Variants in TEAD4 observed in about 807,000 individuals in gnomAD.
TEAD4 encodes transcriptional enhancer factor TEF-3.
In TEAD4, 36 loss-of-function variants were observed where a neutral mutation model predicts 52.4. The ratio of observed to expected loss-of-function variants is 0.69; its 90% CI spans 0.53 to 0.91. The LOEUF is 0.91. Among genes scored for constraint, TEAD4 ranks in the 40% least tolerant of loss-of-function variants. TEAD4 has a pLI of 0.00. For missense variants in TEAD4, 508 were observed against 583.9 expected (o/e 0.87, Z 1.34); for synonymous variants, 220 against 231.0 (o/e 0.95, Z 0.43).
At chr12:3,015,131 C>T (rs1297237857) in intron 5 of TEAD4, among the ~76,000 whole-genome samples, 1 of 152,158 alleles carries the variant, frequency 6.6e-6, no homozygotes, top group Non-Finnish European at 1.5e-5. Flanking sequence ...CAAGGGGGGC[C>T]AGGGACAAAC....
intron 10 of TEAD4, among the ~76,000 whole-genome samples, chr12:3,022,328 C>T (rs1043096542): frequency 1.3e-5 from 2 of 152,162 alleles, no homozygotes; most frequent in South Asian, 2.1e-4. Flanking sequence ...CAAACGGGAC[C>T]CTGCGGGGAT....
intron 5 of TEAD4, among the ~76,000 whole-genome samples, chr12:3,013,711 G>T (rs2098262231): frequency 6.6e-6 from 1 of 152,112 alleles, no homozygotes; most frequent in Admixed American, 6.5e-5. Context: ...ACCAGTCTGG[G>T]CAACAGAGTG....
intron 5 of TEAD4, among the ~76,000 whole-genome samples, chr12:3,014,800 C>T (rs4759434): frequency 0.57 from 85,971 of 151,902 alleles, 26,004 homozygotes; most frequent in Non-Finnish European, 0.68. Flanking sequence ...CCTGCCCAGG[C>T]CGCGGTTTCC....
chr12:3,000,697 A>T (rs2098250996), intron 3 of TEAD4, among the ~76,000 whole-genome samples: 1 of 152,166 alleles, frequency 6.6e-6, no homozygotes, highest in African/African-American at 2.4e-5. Flanking sequence ...TGTGAGCATC[A>T]GTCTAGAGGC....
intron 11 of TEAD4, 52 bp downstream of exon 11, chr12:3,038,160 T>C: frequency 1.3e-6 from 2 of 1,572,690 alleles, no homozygotes; most frequent in Non-Finnish European, 1.7e-6. Flanking sequence ...CTGTGTTTGC[T>C]GGGCATGGCT....
chr12:2,991,010 C>T (rs561661895), intron 2 of TEAD4, among the ~76,000 whole-genome samples: 137 of 152,156 alleles, frequency 9.0e-4, no homozygotes, highest in Non-Finnish European at 1.5e-3. Context: ...CCTAGTGAGA[C>T]CTCTGCAGTA....
intron 3 of TEAD4, among the ~76,000 whole-genome samples, chr12:3,010,459 G>A (rs574636816): frequency 2.5e-4 from 38 of 152,324 alleles, no homozygotes; most frequent in South Asian, 1.2e-3. Context: ...ATGAGCGGAC[G>A]GGCTCAGGCC....
intron 10 of TEAD4, among the ~76,000 whole-genome samples, chr12:3,036,143 C>G (rs2098279309): frequency 6.6e-6 from 1 of 152,070 alleles, no homozygotes; most frequent in East Asian, 1.9e-4. Flanking sequence ...CTTTTTTTCC[C>G]TAAAGGCCTC....
At chr12:3,019,444 G>C (rs2098267064) in intron 8 of TEAD4, among the ~76,000 whole-genome samples, 1 of 152,216 alleles carries the variant, frequency 6.6e-6, no homozygotes, top group East Asian at 1.9e-4. Context: ...GCAGTTCCAA[G>C]GGCAGTGCCC....
chr12:2,962,348 T>TATATATA (rs1237615183), intron 2 of TEAD4, among the ~76,000 whole-genome samples: 7 of 32,324 alleles, frequency 2.2e-4, no homozygotes, highest in Non-Finnish European at 7.1e-4. Flanking sequence ...ATATATATAT[T>TATATATA]TTTTGAGATG....
intron 3 of TEAD4, among the ~76,000 whole-genome samples, chr12:3,009,810 A>C (rs968740535): frequency 6.6e-6 from 1 of 152,204 alleles, no homozygotes; most frequent in Non-Finnish European, 1.5e-5. Flanking sequence ...CAGTGGTCCC[A>C]GGCCAGCACA....
chr12:3,001,971 G>A (rs901474698), intron 3 of TEAD4, among the ~76,000 whole-genome samples: 16 of 151,464 alleles, frequency 1.1e-4, no homozygotes, highest in Non-Finnish European at 1.9e-4. Flanking sequence ...GTGTGCACCT[G>A]TAATTAGCTA....
At chr12:3,031,095 TA>T (rs1280581109) in intron 10 of TEAD4, among the ~76,000 whole-genome samples, 1 of 152,166 alleles carries the variant, frequency 6.6e-6, no homozygotes, top group African/African-American at 2.4e-5. Context: ...AGGAGGGGCT[TA>T]AATCATCTCC....
chr12:3,023,068 C>T (rs559177822), intron 10 of TEAD4, among the ~76,000 whole-genome samples: 5 of 152,222 alleles, frequency 3.3e-5, no homozygotes, highest in African/African-American at 4.8e-5. Context: ...TCATCCACAG[C>T]TGAACATGGG....
intron 12 of TEAD4, 34 bp downstream of exon 12, chr12:3,040,293 C>G (rs1293895285): frequency 6.2e-7 from 1 of 1,613,876 alleles, no homozygotes; most frequent in Non-Finnish European, 8.5e-7. Flanking sequence ...TGGCTGGAGT[C>G]TGTGTGTGGG....
At chr12:3,021,381 G>A (rs548993150) in intron 9 of TEAD4, among the ~76,000 whole-genome samples, 1 of 147,978 alleles carries the variant, frequency 6.8e-6, no homozygotes, top group Admixed American at 6.9e-5. Context: ...CATGATCTCA[G>A]CTTACTGCAA....
rs2098213861 is a variant in TEAD4 at position 2,959,889 on chromosome 12, C to G, written c.-122-59C>G. The G allele has an allele frequency of 1.3e-5, 2 of 151,862 alleles. No individual in the cohort carries two copies. The highest frequency in any genetic ancestry group is 1.3e-4 in the Admixed American group (2 of 15,248). The allele number at this position is 151,862 out of a possible 1,614,324, so 9.4% of individuals were successfully genotyped here. On this transcript the variant is annotated intron_variant, in intron 1 of 12. Transcript: ENST00000359864. This position sits in a 1 kb window ranked among gnomAD's most constrained non-coding sequence, Gnocchi z 5.1. ...CCCCGCGGCCCCGCCTTCACTGCGC[C>G]GCCCGTCGGCCCCGGCCGGAGCCCG...
intron 8 of TEAD4, 89 bp downstream of exon 8, chr12:3,019,259 G>T (rs756888518): frequency 6.1e-5 from 89 of 1,447,732 alleles, no homozygotes; most frequent in Non-Finnish European, 8.2e-5. Context: ...ACGCCTGCGT[G>T]TCCCTGTTAG....
At chr12:3,013,140 T>C (rs11831487) in intron 5 of TEAD4, among the ~76,000 whole-genome samples, 25,209 of 151,890 alleles carry the variant, frequency 0.17, 4,711 homozygotes, top group African/African-American at 0.46. Flanking sequence ...TTTATAGAGA[T>C]GAGGTCTCCC....
Sources: allele counts gnomAD v4.1 joint callset (sites outside exome capture counted in the v4.1 genomes callset), GRCh38; gene constraint gnomAD v4.1.1; non-coding constraint Gnocchi (gnomAD v3.1); transcripts MANE v1.5; gene names NCBI Gene and HGNC (gene_info 2026-07-23, HGNC 2026-07-21).